The following ATP6AP1 variants were observed in gnomAD, a reference collection of about 807,000 sequenced individuals.
ATP6AP1 encodes ATPase H+ transporting accessory protein 1.
In ATP6AP1, 1 loss-of-function variant was observed where a neutral mutation model predicts 32.0. That is an observed-to-expected ratio of 0.03 (90% CI 0.01 to 0.15). The LOEUF (loss-of-function observed/expected upper bound fraction) is 0.15. Among genes scored for constraint, ATP6AP1 ranks in the 10% least tolerant of loss-of-function variants. The pLI, the probability that ATP6AP1 is intolerant of heterozygous loss-of-function variation, is 1.00. For missense variants in ATP6AP1, 297 were observed against 398.8 expected (o/e 0.74, Z 2.17); for synonymous variants, 187 against 174.9 (o/e 1.07, Z -0.55).
chrX:154,432,392 C>G lies in ATP6AP1; in HGVS notation c.490C>G (p.Leu164Val). Residue 164 changes from leucine (L) to valine (V), a missense_variant, in exon 4 of 10, where the codon CTG becomes GTG. By Grantham distance (32) the Leu-to-Val change is conservative (BLOSUM62 1). Around this residue, in one of 2 missense-constraint regions of ATP6AP1, gnomAD observed 142 missense variants for 145.0 expected, o/e 0.98. Coordinates refer to ENST00000369762, the MANE Select transcript of ATP6AP1 (RefSeq NM_001183.6). ...CCCCTTGCATGTGGACCTGGCCACC[C>G]TGCGGGAGCTGAAGCTCAATGCCAG... is the stretch of plus-strand genomic sequence containing the variant. ...ASPLHVDLATLRELKLNASLP... is the reference protein window; with the variant it reads ...ASPLHVDLATVRELKLNASLP... 8.3e-7 allele frequency: 1 copy of G among 1,208,359 alleles called. No individual in the cohort carries two copies. The highest frequency in any genetic ancestry group is 1.1e-6 in the Non-Finnish European group (1 of 893,746).
rs1159786553 is a variant in ATP6AP1 at position 154,428,685 on chromosome X, C to T, written c.-8C>T. 3.5e-6 allele frequency: 4 copies of T among 1,147,153 alleles called. No homozygotes were observed. Among genetic ancestry groups the T allele is most frequent in the Non-Finnish European group, 4.6e-6 (4 of 868,051 alleles). 94.5% of individuals were successfully genotyped at this position (1,147,153 alleles called of 1,213,427 possible). On this transcript the variant is annotated 5_prime_UTR_variant, in exon 1 of 10. Coordinates refer to ENST00000369762, the MANE Select transcript of ATP6AP1 (RefSeq NM_001183.6). ...GTCGAGGCCGCTGAGGCAGTGGAGG[C>T]TGAGGCTATGATGGCGGCCATGGCG...
intron 3 of ATP6AP1, 146 bp from the exon 4 acceptor site, chrX:154,432,120 T>A (rs1557196876): frequency 3.0e-6 from 2 of 664,844 alleles, no homozygotes; most frequent in African/African-American, 4.5e-5. Context: ...GGGGCCTGAA[T>A]GTCAGGGGCT....
chrX:154,436,465 A>G lies in ATP6AP1; in HGVS notation c.*574A>G, dbSNP rs1226999447. On this transcript the variant is annotated 3_prime_UTR_variant, in exon 10 of 10. Transcript: ENST00000369762. The stretch of plus-strand genomic sequence containing the variant: ...CCCACCGGGAGTGCCGGGCAGGAGC[A>G]TGGGGTGCTTGGTTGTTTCCTTCCT... 2 of 111,782 alleles carry G rather than the reference A, an allele frequency of 1.8e-5. No homozygotes were observed. Among genetic ancestry groups the G allele is most frequent in the East Asian group, 5.7e-4 (2 of 3,523 alleles). 9.2% of individuals were successfully genotyped at this position (111,782 alleles called of 1,213,427 possible).
intron 4 of ATP6AP1, 21 bp from the exon 5 acceptor site, chrX:154,432,910 C>T (rs941153215): frequency 3.3e-5 from 40 of 1,209,275 alleles, no homozygotes; most frequent in Non-Finnish European, 3.6e-5. Context: ...AGGACTCTGG[C>T]GCTCTGTTTG....
Position 154,436,095 on chromosome X carries a change from G to A in ATP6AP1, c.*204G>A. ...TCTCCCAACAAGGTGTACATATTCT[G>A]CGTAGATGCTAGACCAACCAGCTTC... On this transcript the variant is annotated 3_prime_UTR_variant, in exon 10 of 10. Coordinates refer to ENST00000369762, the MANE Select transcript of ATP6AP1 (RefSeq NM_001183.6). The A allele has an allele frequency of 2.2e-6, 1 of 448,678 alleles. No homozygotes were observed. Among genetic ancestry groups the A allele is most frequent in the Non-Finnish European group, 3.8e-6 (1 of 260,583 alleles). The allele number at this position is 448,678 out of a possible 1,213,427, so 37.0% of individuals were successfully genotyped here.
In ATP6AP1 at chrX:154,436,017, C is replaced by T; in HGVS notation, c.*126C>T. 3.0e-6 allele frequency: 2 copies of T among 661,827 alleles called. No homozygotes were observed. Among genetic ancestry groups the T allele is most frequent in the Non-Finnish European group, 4.6e-6 (2 of 432,061 alleles). 54.5% of individuals were successfully genotyped at this position (661,827 alleles called of 1,213,427 possible). The stretch of plus-strand genomic sequence containing the variant: ...GCATGAACTGCAAGCTCCCCTCAGC[C>T]CATCTTGCTCCCTCTTCAGCCCGCT... On this transcript the variant is annotated 3_prime_UTR_variant, in exon 10 of 10. Coordinates refer to ENST00000369762, the MANE Select transcript of ATP6AP1 (RefSeq NM_001183.6).
Position 154,434,345 on chromosome X carries a change from C to T in ATP6AP1, c.822C>T (p.Phe274=). ...APRILFWAQN[F]SVAYKDQWED... is the part of the protein sequence containing the mutation. ...GGATCCTGTTCTGGGCCCAAAACTT[C>T]TCTGTGGCGTACAAGGACCAGTGGG... Residue 274 remains phenylalanine (F), a synonymous_variant, in exon 7 of 10, where the codon TTC becomes TTT. Transcript: ENST00000369762. 1.7e-6 allele frequency: 2 copies of T among 1,212,095 alleles called. No homozygotes were observed. The highest frequency in any genetic ancestry group is 1.8e-5 in the South Asian group (1 of 57,010).
chrX:154,432,465 G>A lies in ATP6AP1; in HGVS notation c.557+6G>A, dbSNP rs782677279. ...CGCCTGCCCTACACAGCCAGGTACT[G>A]CCCGCATGGCCCAGCCACCAGCCTC... is the stretch of plus-strand genomic sequence containing the variant. On this transcript the variant is annotated splice_donor_region_variant and intron_variant, in intron 4 of 9. Coordinates refer to ENST00000369762, the MANE Select transcript of ATP6AP1 (RefSeq NM_001183.6). 4.3e-6 allele frequency: 5 copies of A among 1,164,161 alleles called. No homozygotes were observed. The highest frequency in any genetic ancestry group is 5.7e-6 in the Non-Finnish European group (5 of 870,359).
chrX:154,432,685 G>A (rs2068700351), intron 4 of ATP6AP1, among the ~76,000 whole-genome samples: 1 of 112,526 alleles, frequency 8.9e-6, no homozygotes, highest in Admixed American at 9.4e-5. Context: ...TGAGGCAGAT[G>A]TGAGCCCTGC....
intron 7 of ATP6AP1, among the ~76,000 whole-genome samples, chrX:154,434,863 G>A (rs1366051158): frequency 8.9e-6 from 1 of 111,752 alleles, no homozygotes; most frequent in African/African-American, 3.3e-5. Context: ...CCCTAAGAGG[G>A]AGTAAAAGGA....
At position 154,435,702 on chromosome X, in the gene ATP6AP1, G is replaced by T; in HGVS notation, c.1224G>T (p.Met408Ile). 1.7e-6 allele frequency: 2 copies of T among 1,211,693 alleles called. No homozygotes were observed. The highest frequency in any genetic ancestry group is 2.2e-6 in the Non-Finnish European group (2 of 895,470). Residue 408 changes from methionine (M) to isoleucine (I), a missense_variant, in exon 10 of 10, where the codon ATG (methionine) becomes ATT (isoleucine). By Grantham distance (10) the Met-to-Ile change is conservative. This residue lies in a region of ATP6AP1 where 155 missense variants were observed against 253.8 expected (regional missense o/e 0.61). Coordinates refer to ENST00000369762, the MANE Select transcript of ATP6AP1 (RefSeq NM_001183.6). ...QDFQIQAFNV[M>I]GEQFSYASDC... ...GCCAGATCCAGGCTTTCAACGTAATGGGGGAGCAGTTCTCCTACGCCAGCG... is the reference window on the plus strand; with the variant it reads ...GCCAGATCCAGGCTTTCAACGTAATTGGGGAGCAGTTCTCCTACGCCAGCG...
rs371825213 is a variant in ATP6AP1 at position 154,431,914 on chromosome X, C to T, written c.363+10C>T. On this transcript the variant is annotated intron_variant, in intron 3 of 9. Transcript: ENST00000369762. ...CTTTTCTAACCTAGAGGTGAGAGTC[C>T]TCTCCCAGCCAGGGGCCATGGGGGA... The T allele has an allele frequency of 2.5e-5, 30 of 1,206,775 alleles. No individual in the cohort carries two copies. In the African/African-American group the frequency reaches 3.2e-4, roughly 13 times the overall value.
In ATP6AP1 at chrX:154,431,841, G is replaced by C; in HGVS notation, c.300G>C (p.Glu100Asp). 1 of 1,211,657 alleles carries C rather than the reference G, an allele frequency of 8.3e-7. No homozygotes were observed. Residue 100 changes from glutamate to aspartate, a missense_variant, in exon 3 of 10, where the codon GAG becomes GAC. Glu to Asp is a conservative substitution (Grantham distance 45, BLOSUM62 2). This residue lies in a region of ATP6AP1 where 142 missense variants were observed against 145.0 expected (regional missense o/e 0.98). Transcript: ENST00000369762. The stretch of plus-strand genomic sequence containing the variant: ...TATTTCCCTAATAGCTGAGCATTGA[G>C]GATTTCACAGCATATGGCGGTGTGT... ...LLFLQDKLSI[E>D]DFTAYGGVFG...
chrX:154,433,076 C>T (rs893384733), intron 5 of ATP6AP1, 105 bp downstream of exon 5: 20 of 977,084 alleles, frequency 2.0e-5, no homozygotes, highest in Admixed American at 4.7e-5. Flanking sequence ...CAGGGTGGCC[C>T]GCCTGCTTCT....
chrX:154,433,647 G>A lies in ATP6AP1; in HGVS notation c.611G>A (p.Gly204Glu). The A allele has an allele frequency of 2.5e-6, 3 of 1,211,861 alleles. No homozygotes were observed. The highest frequency in any genetic ancestry group is 3.4e-6 in the Non-Finnish European group (3 of 895,405). Residue 204 changes from glycine (G) to glutamate (E), a missense_variant, in exon 6 of 10, where the codon GGG becomes GAG. Around this residue, in one of 2 missense-constraint regions of ATP6AP1, gnomAD observed 155 missense variants for 253.8 expected, o/e 0.61. Transcript: ENST00000369762. The part of the protein sequence containing the change: ...EVLTGNDEVI[G>E]QVLSTLKSED... ...TGTTGACCCTCAGATGAGGTCATCG[G>A]GCAGGTCCTGAGCACACTCAAGTCC...
chrX:154,433,358 A>T (rs1417125338), intron 5 of ATP6AP1, among the ~76,000 whole-genome samples: 1 of 112,372 alleles, frequency 8.9e-6, no homozygotes, highest in Non-Finnish European at 1.9e-5. Flanking sequence ...TGAACCTTTC[A>T]TGGGTGGATG....
At chrX:154,433,120 G>C in intron 5 of ATP6AP1, 149 bp downstream of exon 5, 2 of 699,021 alleles carry the variant, frequency 2.9e-6, no homozygotes, top group Non-Finnish European at 4.3e-6. Flanking sequence ...GGAAATGCTG[G>C]CTCCCAGGAC....
chrX:154,433,779 T>C (rs2068705998), intron 6 of ATP6AP1, 59 bp downstream of exon 6: 2 of 1,124,289 alleles, frequency 1.8e-6, no homozygotes, highest in African/African-American at 3.6e-5. Context: ...GTGGTGAGTC[T>C]GCTTGGAGGT....
chrX:154,431,550 C>T, intron 2 of ATP6AP1: 1 of 291,893 alleles, frequency 3.4e-6, no homozygotes, highest in Admixed American at 5.9e-5. Context: ...GGCAAGGCGG[C>T]TGACTCCTAC....
Sources: allele counts gnomAD v4.1 joint callset (sites outside exome capture counted in the v4.1 genomes callset), GRCh38; gene constraint gnomAD v4.1.1; regional missense constraint gnomAD v4.1.1; transcripts MANE v1.5; gene names NCBI Gene and HGNC (gene_info 2026-07-23, HGNC 2026-07-21).